Variants in DSC3 observed in about 807,000 individuals in gnomAD.
The protein encoded by DSC3 is desmocollin-3.
A neutral mutation model predicts 89.5 loss-of-function variants in DSC3; 97 were observed. That is an observed-to-expected ratio of 1.08 (90% CI 0.92 to 1.28). DSC3 has a LOEUF of 1.28. Among genes scored for constraint, DSC3 ranks in the 50% most tolerant of loss-of-function variants. The pLI, the probability that DSC3 is intolerant of heterozygous loss-of-function variation, is 0.00. For missense variants in DSC3, 1,199 were observed against 1,085.3 expected (o/e 1.10, Z -1.47); for synonymous variants, 436 against 384.1 (o/e 1.14, Z -1.58).
rs1985575471 is a variant in DSC3, at chr18:31,025,759, C to T, written c.630+1G>A. On this transcript the variant is annotated splice_donor_variant, in intron 5 of 15. Transcript: ENST00000360428. LOFTEE classifies it high-confidence loss of function. ...GTCAGGCATATCAATAAAAGTCCTA[C>T]ATCAAAAACATCATATTCTTCACGA... is the stretch of plus-strand genomic sequence containing the variant. The T allele has an allele frequency of 6.2e-7, 1 of 1,612,662 alleles. No homozygotes were observed. The highest frequency in any genetic ancestry group is 8.5e-7 in the Non-Finnish European group (1 of 1,178,984).
Position 31,006,917 on chromosome 18 carries a change from G to A in DSC3, c.1878C>T (p.Thr626=), listed in dbSNP as rs939460153. Residue 626 remains threonine (T), a synonymous_variant, in exon 12 of 16, where the codon ACC becomes ACT. Coordinates refer to ENST00000360428, the MANE Select transcript of DSC3 (RefSeq NM_001941.5). ...SPEISRLWSL[T]KVNDTAARLS... ...TTTTTTATTAAATACCATTAACTTTGGTGAGGCTCCACAGTCTACTGATTT... is the reference window on the plus strand; with the variant it reads ...TTTTTTATTAAATACCATTAACTTTAGTGAGGCTCCACAGTCTACTGATTT... 5.0e-6 allele frequency: 8 copies of A among 1,609,578 alleles called. No individual in the cohort carries two copies. In the Admixed American group the frequency reaches 1.2e-4, roughly 24 times the overall value.
intron 1 of DSC3, among the ~76,000 whole-genome samples, chr18:31,032,823 C>T (rs1985846288): frequency 6.6e-6 from 1 of 152,008 alleles, no homozygotes; most frequent in Non-Finnish European, 1.5e-5. Context: ...TATACTGGAG[C>T]TTCTAGCCAG....
Position 30,997,010 on chromosome 18 carries a change from G to A in DSC3, c.2274C>T (p.Asn758=). The A allele has an allele frequency of 1.2e-6, 2 of 1,614,128 alleles. No homozygotes were observed. Among genetic ancestry groups the A allele is most frequent in the Non-Finnish European group, 8.5e-7 (1 of 1,180,020 alleles). The change falls in exon 15 of 16, where the codon AAC becomes AAT. Residue 758 remains asparagine (N), a synonymous_variant. Coordinates refer to ENST00000360428, the MANE Select transcript of DSC3 (RefSeq NM_001941.5). The part of the protein sequence containing the change: ...ANGFMTQTTN[N]SSQGFCGTMG... ...TAGTACCACAAAAACCTTGGCTAGA[G>A]TTGTTGGTAGTTTGGGTCATAAATC... is the stretch of plus-strand genomic sequence containing the variant.
chr18:31,032,265 A>C lies in DSC3; in HGVS notation c.81T>G (p.Arg27=). 1.2e-6 allele frequency: 2 copies of C among 1,611,874 alleles called. No homozygotes were observed. Among genetic ancestry groups the C allele is most frequent in the Non-Finnish European group, 1.7e-6 (2 of 1,177,946 alleles). ...HLLLTLVIFS[R]AGEACKKVIL... ...TCACCTTTTTGCAGGCTTCACCAGC[A>C]CGACTGAAGATCTAGAATTTAAAAG... The change falls in exon 2 of 16, where the codon CGT becomes CGG. Residue 27 remains arginine, a synonymous_variant. Transcript: ENST00000360428.
At chr18:31,015,489 T>C (rs1985205358) in intron 9 of DSC3, among the ~76,000 whole-genome samples, 1 of 152,224 alleles carries the variant, frequency 6.6e-6, no homozygotes, top group South Asian at 2.1e-4. Context: ...TTTTAAAAAT[T>C]AGAGTATATT....
chr18:31,016,867 T>G (rs1272844259), intron 9 of DSC3, among the ~76,000 whole-genome samples: 1 of 152,182 alleles, frequency 6.6e-6, no homozygotes, highest in Non-Finnish European at 1.5e-5. Context: ...AGCTCAATAA[T>G]GCAGACTAGA....
Position 31,029,571 on chromosome 18 carries a change from C to T in DSC3, c.412G>A (p.Ala138Thr), listed in dbSNP as rs760669071. 2 of 1,613,780 alleles carry T rather than the reference C, an allele frequency of 1.2e-6. No individual in the cohort carries two copies. Among genetic ancestry groups the T allele is most frequent in the Non-Finnish European group, 1.7e-6 (2 of 1,179,776 alleles). ...TCTTGCATAGAGCAAGGAATAGGTG[C>T]CCATCTCCTCTTGGCACGCCTGAGA... ...TVLRRAKRRW[A>T]PIPCSMQENS... Residue 138 changes from alanine (A) to threonine (T), a missense_variant, in exon 4 of 16, where the codon GCA becomes ACA. Physicochemically the swap from Ala to Thr is moderately conservative, Grantham distance 58 (BLOSUM62 0). Transcript: ENST00000360428.
chr18:31,037,676 C>T (rs979533178), intron 1 of DSC3, among the ~76,000 whole-genome samples: 4 of 152,048 alleles, frequency 2.6e-5, no homozygotes, highest in Non-Finnish European at 5.9e-5. Flanking sequence ...CCGAGGCAGG[C>T]GGATCATGAG....
In DSC3 at chr18:31,018,685, G is replaced by T. The variant is rs1227653643; in HGVS notation, c.1058C>A (p.Pro353His). Residue 353 changes from proline to histidine, a missense_variant, in exon 8 of 16, where the codon CCC (proline) becomes CAC (histidine). Coordinates refer to ENST00000360428, the MANE Select transcript of DSC3 (RefSeq NM_001941.5). Reference sequence around the variant, plus strand: ...ACTTACAGCATTTTGTCTGAAAGTGGGTGCATTATCATTTGAATCTGTTAC... The same window carrying T: ...ACTTACAGCATTTTGTCTGAAAGTGTGTGCATTATCATTTGAATCTGTTAC... ...ITVTDSNDNA[P>H]TFRQNAYEAF... 1 of 1,613,264 alleles carries T rather than the reference G, an allele frequency of 6.2e-7. No individual in the cohort carries two copies. The highest frequency in any genetic ancestry group is 8.5e-7 in the Non-Finnish European group (1 of 1,179,866).
In DSC3 at chr18:31,040,622, G is replaced by A. The variant is rs984753199; in HGVS notation, c.69+1970C>T. 1.5e-4 allele frequency among the ~76,000 whole-genome samples: 23 copies of A among 152,148 alleles called. 1 individual carries two copies. Among genetic ancestry groups the A allele is most frequent in the Admixed American group, 1.2e-3 (18 of 15,280 alleles). ...TGGGAAAATTCCCTCAACCTGTTGG[G>A]CTGCTTACTGGGAAGACTAAAATTT... On this transcript the variant is annotated intron_variant, in intron 1 of 15. Transcript: ENST00000360428.
At position 31,018,088 on chromosome 18, in the gene DSC3, C is replaced by T. The variant is rs1985292683; in HGVS notation, c.1246G>A (p.Val416Ile). Residue 416 changes from valine to isoleucine, a missense_variant, in exon 9 of 16, where the codon GTT (valine) becomes ATT (isoleucine). Transcript: ENST00000360428. ...ISTDKETNEG[V>I]LSVVKPLNYE... ...TACTGTACCTTTACAACAGAAAGAACACCTTCATTAGTTTCTTTGTCTGTG... is the reference window on the plus strand; with the variant it reads ...TACTGTACCTTTACAACAGAAAGAATACCTTCATTAGTTTCTTTGTCTGTG... The T allele has an allele frequency of 6.2e-7, 1 of 1,612,190 alleles. No individual in the cohort carries two copies. The highest frequency in any genetic ancestry group is 8.5e-7 in the Non-Finnish European group (1 of 1,179,118).
chr18:31,022,353 G>C lies in DSC3; in HGVS notation c.925C>G (p.His309Asp). 1 of 1,613,986 alleles carries C rather than the reference G, an allele frequency of 6.2e-7. No individual in the cohort carries two copies. The highest frequency in any genetic ancestry group is 8.5e-7 in the Non-Finnish European group (1 of 1,179,916). Residue 309 changes from histidine to aspartate, a missense_variant, in exon 7 of 16, where the codon CAT (histidine) becomes GAT (aspartate). Coordinates refer to ENST00000360428, the MANE Select transcript of DSC3 (RefSeq NM_001941.5). ...TGAGCTACCTCTCTGTCCAAATAATGAGAGACTGTGGTGATTACGCCTGTG... is the reference window on the plus strand; with the variant it reads ...TGAGCTACCTCTCTGTCCAAATAATCAGAGACTGTGGTGATTACGCCTGTG... ...PSTGVITTVS[H>D]YLDREVVDKY...
rs1984221801 is a variant in DSC3 at position 30,991,041 on chromosome 18, T to C, written c.*3134A>G. On this transcript the variant is annotated 3_prime_UTR_variant, in exon 16 of 16. Transcript: ENST00000360428. ...GTGATCATCTTAGAATTATTTAATC[T>C]CTAAATACAGCAAAAACAAGAAACC... 2 of 152,492 alleles carry C rather than the reference T, an allele frequency of 1.3e-5. No individual in the cohort carries two copies. Among genetic ancestry groups the C allele is most frequent in the South Asian group, 2.1e-4 (1 of 4,832 alleles). The allele number at this position is 152,492 out of a possible 1,614,324, so 9.4% of individuals were successfully genotyped here. A position where few individuals can be genotyped will look rare whatever the true frequency, so the allele number is the denominator to read the frequency against.
At chr18:31,002,024 A>G (rs923310843) in intron 13 of DSC3, among the ~76,000 whole-genome samples, 1 of 152,212 alleles carries the variant, frequency 6.6e-6, no homozygotes, top group Non-Finnish European at 1.5e-5. Flanking sequence ...AAGAAAAAAA[A>G]TCACTGACAT....
At chr18:31,002,643 T>C (rs958595439) in intron 13 of DSC3, among the ~76,000 whole-genome samples, 9 of 144,046 alleles carry the variant, frequency 6.2e-5, no homozygotes, top group African/African-American at 2.3e-4. Context: ...GAGGTTGCAG[T>C]GAGCCAAGAT....
intron 9 of DSC3, among the ~76,000 whole-genome samples, chr18:31,008,892 T>C (rs1984962469): frequency 6.6e-6 from 1 of 152,176 alleles, no homozygotes; most frequent in Non-Finnish European, 1.5e-5. Context: ...CATCTGAGTA[T>C]GGGAAGTTGC....
Position 31,004,382 on chromosome 18 carries a change from A to T in DSC3, c.1889-16T>A. 1 of 1,600,602 alleles carries T rather than the reference A, an allele frequency of 6.2e-7. No individual in the cohort carries two copies. Among genetic ancestry groups the T allele is most frequent in the Non-Finnish European group, 8.6e-7 (1 of 1,168,722 alleles). On this transcript the variant is annotated splice_polypyrimidine_tract_variant and intron_variant, in intron 12 of 15. Transcript: ENST00000360428. The stretch of plus-strand genomic sequence containing the variant: ...GCAGCTGTATCTGAAAGAAAATAAA[A>T]GAAGTTTATTTTTTAATGATCATTT...
At chr18:31,006,171 G>C (rs146944149) in intron 12 of DSC3, among the ~76,000 whole-genome samples, 1 of 151,990 alleles carries the variant, frequency 6.6e-6, no homozygotes, top group Non-Finnish European at 1.5e-5. Context: ...GCTATATCCC[G>C]CCAGGTTCAC....
At chr18:31,018,821 T>C in intron 7 of DSC3, 21 bp from the exon 8 acceptor site, 3 of 1,612,232 alleles carry the variant, frequency 1.9e-6, no homozygotes, top group Non-Finnish European at 2.5e-6. Context: ...AGCAAATATT[T>C]AACTAGTCTT....
Sources: gnomAD v4.1 joint callset for allele counts (sites outside exome capture counted in the v4.1 genomes callset) on GRCh38, gnomAD v4.1.1 for gene constraint, MANE v1.5 for transcripts, NCBI Gene and HGNC (gene_info 2026-07-23, HGNC 2026-07-21) for gene names.